The following MYOCD variants were observed in gnomAD, a reference collection of about 807,000 sequenced individuals.
MYOCD encodes the protein myocardin.
Under a neutral mutation model 96.1 loss-of-function variants are expected in MYOCD, and 32 were observed. That is an observed-to-expected ratio of 0.33 (90% CI 0.25 to 0.45). The LOEUF is 0.45. MYOCD is among the 20% of genes least tolerant of loss of function. MYOCD has a pLI of 1.00. For missense variants in MYOCD, 1,133 were observed against 1,200.6 expected (o/e 0.94, Z 0.83); for synonymous variants, 469 against 469.0 (o/e 1.00, Z 0.00).
intron 2 of MYOCD, among the ~76,000 whole-genome samples, chr17:12,709,412 A>G (rs147795835): frequency 5.9e-5 from 9 of 152,308 alleles, no homozygotes; most frequent in African/African-American, 2.2e-4. Context: ...GAATGAATTT[A>G]AAGGCACCAT....
At chr17:12,758,294 A>G in intron 12 of MYOCD, 81 bp downstream of exon 12, 2 of 1,592,958 alleles carry the variant, frequency 1.3e-6, no homozygotes, top group Non-Finnish European at 1.7e-6. Flanking sequence ...AACTTCACGC[A>G]GTTTGTAAAT....
At chr17:12,690,515 G>T (rs1425418860) in intron 1 of MYOCD, among the ~76,000 whole-genome samples, 1 of 150,000 alleles carries the variant, frequency 6.7e-6, no homozygotes, top group Non-Finnish European at 1.5e-5. Context: ...GAGAATGAGA[G>T]TTCATATATA....
chr17:12,695,064 C>T (rs1427764074), intron 1 of MYOCD, among the ~76,000 whole-genome samples: 5 of 152,106 alleles, frequency 3.3e-5, no homozygotes, highest in African/African-American at 7.2e-5. Flanking sequence ...AGGACCTAAA[C>T]TTCATGAATG....
chr17:12,700,722 T>G (rs920945303), intron 1 of MYOCD, among the ~76,000 whole-genome samples: 2 of 151,316 alleles, frequency 1.3e-5, no homozygotes, highest in African/African-American at 4.9e-5. Flanking sequence ...TTTATAAACT[T>G]CGTCTTCATT....
intron 6 of MYOCD, among the ~76,000 whole-genome samples, chr17:12,737,472 G>A (rs1052472493): frequency 6.6e-6 from 1 of 152,106 alleles, no homozygotes; most frequent in Non-Finnish European, 1.5e-5. Context: ...TAGAAGTATG[G>A]CAGAGTGTCA....
chr17:12,723,113 A>G (rs1361951901), intron 5 of MYOCD, 105 bp downstream of exon 5: 18 of 1,072,394 alleles, frequency 1.7e-5, no homozygotes, highest in Non-Finnish European at 2.2e-5. Flanking sequence ...CTCTCACCAG[A>G]TAAGAGCCAT....
chr17:12,671,362 G>C (rs1292990173), intron 1 of MYOCD, among the ~76,000 whole-genome samples: 1 of 152,186 alleles, frequency 6.6e-6, no homozygotes, highest in Non-Finnish European at 1.5e-5. Context: ...AGAACAAAAA[G>C]GAGAGGAGTG....
intron 4 of MYOCD, among the ~76,000 whole-genome samples, chr17:12,719,174 C>CAAAAAAAAAAAAAAAAAAAAAAA (rs71144920): frequency 1.4e-4 from 7 of 49,158 alleles, no homozygotes; most frequent in Non-Finnish European, 2.2e-4. Context: ...GACTCTGTCT[C>CAAAAAAAAAAAAAAAAAAAAAAA]AAAAAAAAAA....
chr17:12,753,180 C>T lies in MYOCD; in HGVS notation c.1892C>T (p.Pro631Leu), dbSNP rs1456290854. The change falls in exon 10 of 14, where the codon CCC (proline) becomes CTC (leucine). Residue 631 changes from proline (P) to leucine (L), a missense_variant. Coordinates refer to ENST00000425538, the MANE Select transcript of MYOCD (RefSeq NM_001146312.3). ...TNVLSSTFLS[P>L]QCSPQHSPLG... ...GTACTTTCTTCCACATTTCTCAGCCCCCAGTGTTCCCCTCAGCATTCACCG... is the reference window on the plus strand; with the variant it reads ...GTACTTTCTTCCACATTTCTCAGCCTCCAGTGTTCCCCTCAGCATTCACCG... 5.6e-6 allele frequency: 9 copies of T among 1,614,162 alleles called. No homozygotes were observed. The highest frequency in any genetic ancestry group is 7.6e-6 in the Non-Finnish European group (9 of 1,180,034).
chr17:12,763,790 A>G lies in MYOCD; in HGVS notation c.*146A>G. ...ATTTCTGTGCCAATGAACAAGAACA[A>G]AAGTCATTTTTAGAAATACATATAC... is the stretch of plus-strand genomic sequence containing the variant. On this transcript the variant is annotated 3_prime_UTR_variant, in exon 14 of 14. Transcript: ENST00000425538. 1 of 737,218 alleles carries G rather than the reference A, an allele frequency of 1.4e-6. No individual in the cohort carries two copies. Among genetic ancestry groups the G allele is most frequent in the East Asian group, 2.8e-5 (1 of 35,622 alleles). The allele number at this position is 737,218 out of a possible 1,614,324, so 45.7% of individuals were successfully genotyped here. A position where few individuals can be genotyped will look rare whatever the true frequency, so the allele number is the denominator to read the frequency against.
chr17:12,757,530 T>A (rs1170620105), intron 11 of MYOCD, among the ~76,000 whole-genome samples: 1 of 152,222 alleles, frequency 6.6e-6, no homozygotes, highest in Non-Finnish European at 1.5e-5. Flanking sequence ...ACAGTCTCAC[T>A]CTGTCGGCCA....
rs11307445 is a variant in MYOCD at position 12,756,695 on chromosome 17, C to CAAAAAAAAAAAAAA, written c.2202+144_2202+157dup. 192 of 142,112 alleles carry CAAAAAAAAAAAAAA rather than the reference C, an allele frequency of 1.4e-3. 1 individual carries two copies. Among genetic ancestry groups the CAAAAAAAAAAAAAA allele is most frequent in the Admixed American group, 2.2e-3 (20 of 9,286 alleles). The allele number at this position is 142,112 out of a possible 1,614,324, so 8.8% of individuals were successfully genotyped here. On this transcript the variant is annotated intron_variant, in intron 11 of 13. Coordinates refer to ENST00000425538, the MANE Select transcript of MYOCD (RefSeq NM_001146312.3). The stretch of plus-strand genomic sequence containing the variant: ...CAGGTGACAGAGCGAGACTGCATCT[C>CAAAAAAAAAAAAAA]AAAAAAAAAAAAAAAAAAAGAATAA...
chr17:12,687,757 A>G (rs1597736562), intron 1 of MYOCD, among the ~76,000 whole-genome samples: 1 of 152,212 alleles, frequency 6.6e-6, no homozygotes, highest in South Asian at 2.1e-4. Flanking sequence ...AAATAGGTCA[A>G]GCAAGGCTAG....
chr17:12,748,160 C>A (rs1454176758), intron 9 of MYOCD, among the ~76,000 whole-genome samples: 204 of 90,508 alleles, frequency 2.3e-3, no homozygotes, highest in African/African-American at 4.9e-3. Flanking sequence ...GACTCCGTCT[C>A]AAAAAAAAAA....
chr17:12,667,497 A>T (rs536251356), intron 1 of MYOCD, among the ~76,000 whole-genome samples: 1 of 152,292 alleles, frequency 6.6e-6, no homozygotes, highest in Non-Finnish European at 1.5e-5. Context: ...TCTGTTAACC[A>T]GCTAGAGACC....
chr17:12,687,434 G>C (rs757930042), intron 1 of MYOCD, among the ~76,000 whole-genome samples: 2 of 152,158 alleles, frequency 1.3e-5, no homozygotes, highest in Non-Finnish European at 2.9e-5. Context: ...ACTAGAATTC[G>C]TGGACTATTT....
chr17:12,725,033 CT>C (rs769623375), intron 5 of MYOCD, among the ~76,000 whole-genome samples: 3 of 151,816 alleles, frequency 2.0e-5, no homozygotes, highest in East Asian at 1.9e-4. Context: ...TTATTCAAGT[CT>C]TTTTTTTATT....
intron 2 of MYOCD, among the ~76,000 whole-genome samples, chr17:12,708,645 G>A (rs915247495): frequency 6.6e-6 from 1 of 152,032 alleles, no homozygotes; most frequent in Non-Finnish European, 1.5e-5. Context: ...CCCACCTCGG[G>A]TTCCCAAAGT....
intron 9 of MYOCD, among the ~76,000 whole-genome samples, chr17:12,750,214 A>G (rs2032806157): frequency 6.6e-6 from 1 of 152,096 alleles, no homozygotes. Flanking sequence ...TCGAAGCAGC[A>G]CTTCTCAAAC....
Sources: allele counts gnomAD v4.1 joint callset (sites outside exome capture counted in the v4.1 genomes callset), GRCh38; gene constraint gnomAD v4.1.1; transcripts MANE v1.5; gene names NCBI Gene and HGNC (gene_info 2026-07-23, HGNC 2026-07-21).